ETV6: variants seen among roughly 807,000 people sequenced by gnomAD.
The protein encoded by ETV6 is ETS variant transcription factor 6.
In ETV6, 16 loss-of-function variants were observed where a neutral mutation model predicts 51.1. The ratio of observed to expected loss-of-function variants is 0.31; its 90% CI spans 0.21 to 0.48. ETV6 has a LOEUF of 0.48. Ranked by LOEUF, ETV6 falls within the 20% of genes least tolerant of loss-of-function variation. ETV6 has a pLI of 0.99. For synonymous variants in ETV6, 240 were observed against 224.1 expected, an observed-to-expected ratio of 1.07 and a Z score of -0.64; for missense variants, 458 against 594.8, an observed-to-expected ratio of 0.77 and a Z score of 2.39.
At chr12:11,673,158 G>C (rs936833812) in intron 1 of ETV6, among the ~76,000 whole-genome samples, 33 of 152,218 alleles carry the variant, frequency 2.2e-4, no homozygotes, top group South Asian at 2.1e-4. Flanking sequence ...AGGGTGCCAA[G>C]CTGCAGTGTT....
chr12:11,840,726 A>C, intron 3 of ETV6: 1 of 328,438 alleles, frequency 3.0e-6, no homozygotes, highest in South Asian at 2.4e-5. Flanking sequence ...TTGAAACTTG[A>C]AAGTTTATAT....
intron 1 of ETV6, among the ~76,000 whole-genome samples, chr12:11,741,012 A>C (rs1206720180): frequency 3.3e-5 from 5 of 152,186 alleles, no homozygotes; most frequent in Non-Finnish European, 7.4e-5. Flanking sequence ...ATATAGCAGC[A>C]TGTAATTGAA....
chr12:11,736,706 G>T (rs1219227598), intron 1 of ETV6, among the ~76,000 whole-genome samples: 2 of 152,338 alleles, frequency 1.3e-5, no homozygotes, highest in East Asian at 3.9e-4. Flanking sequence ...ACAGAACTGG[G>T]TGATAGGGCG....
chr12:11,657,710 G>A (rs1417220881), intron 1 of ETV6, among the ~76,000 whole-genome samples: 4 of 152,174 alleles, frequency 2.6e-5, no homozygotes, highest in Non-Finnish European at 2.9e-5. Context: ...TTTCCTGAAT[G>A]ACCCAAAAAG....
At chr12:11,739,396 A>G (rs1454513154) in intron 1 of ETV6, among the ~76,000 whole-genome samples, 1 of 152,228 alleles carries the variant, frequency 6.6e-6, no homozygotes, top group Non-Finnish European at 1.5e-5. Context: ...TGCAGTGCAC[A>G]TGCTCGCCAC....
intron 4 of ETV6, among the ~76,000 whole-genome samples, chr12:11,854,876 C>T (rs757921330): frequency 2.6e-5 from 4 of 152,132 alleles, no homozygotes; most frequent in South Asian, 4.1e-4. Flanking sequence ...CACTCAGTGG[C>T]GGTGTTTATT....
At chr12:11,733,407 CAA>C (rs11394100) in intron 1 of ETV6, among the ~76,000 whole-genome samples, 20 of 101,060 alleles carry the variant, frequency 2.0e-4, no homozygotes, top group African/African-American at 9.5e-4. Flanking sequence ...GACTCCATCT[CAA>C]AAAAAAAAAA....
intron 3 of ETV6, among the ~76,000 whole-genome samples, chr12:11,842,099 G>A (rs199818957): frequency 4.4e-5 from 6 of 134,846 alleles, no homozygotes; most frequent in African/African-American, 1.5e-4. Context: ...AAAAAAAAAA[G>A]AAGAAGAAGG....
chr12:11,770,985 A>G (rs529997632), intron 2 of ETV6, among the ~76,000 whole-genome samples: 8 of 152,272 alleles, frequency 5.3e-5, no homozygotes, highest in African/African-American at 1.9e-4. Flanking sequence ...TGATTTTGAC[A>G]TGCTTTAACT....
intron 1 of ETV6, among the ~76,000 whole-genome samples, chr12:11,673,367 G>A (rs1751168647): frequency 6.6e-6 from 1 of 152,126 alleles, no homozygotes; most frequent in Admixed American, 6.6e-5. Flanking sequence ...GGAGAGAAGG[G>A]CTCATACTAC....
Position 11,686,941 on chromosome 12 carries a change from A to G in ETV6, c.33+36781A>G, listed in dbSNP as rs146739605. On this transcript the variant is annotated intron_variant, in intron 1 of 7. Coordinates refer to ENST00000396373, the MANE Select transcript of ETV6 (RefSeq NM_001987.5). ...GTAACTCTCACCCAGGCTGGAATGC[A>G]GTGGCAAAATCTCAGCTTACTGCAA... 4.9e-3 allele frequency among the ~76,000 whole-genome samples: 741 copies of G among 152,086 alleles called. 5 individuals are homozygous for G. The highest frequency in any genetic ancestry group is 0.01 in the Admixed American group (156 of 15,288).
intron 2 of ETV6, among the ~76,000 whole-genome samples, chr12:11,782,370 AG>A (rs1209869524): frequency 6.6e-6 from 1 of 152,208 alleles, no homozygotes; most frequent in East Asian, 1.9e-4. Context: ...AAGAGAGAAA[AG>A]AAGACTTTTT....
intron 1 of ETV6, among the ~76,000 whole-genome samples, chr12:11,723,796 A>G (rs1401448763): frequency 2.0e-5 from 3 of 152,182 alleles, no homozygotes; most frequent in Non-Finnish European, 4.4e-5. Flanking sequence ...GGCATCACCA[A>G]CCATTGAGAA....
intron 2 of ETV6, among the ~76,000 whole-genome samples, chr12:11,833,870 A>G (rs1392629767): frequency 6.6e-6 from 1 of 152,216 alleles, no homozygotes; most frequent in African/African-American, 2.4e-5. Context: ...TCATGGCACC[A>G]CCACTTCCAT....
At chr12:11,774,621 G>C (rs947993295) in intron 2 of ETV6, among the ~76,000 whole-genome samples, 2 of 152,166 alleles carry the variant, frequency 1.3e-5, no homozygotes, top group Non-Finnish European at 2.9e-5. Flanking sequence ...ATGGTGCCCA[G>C]GTTTTCATTT....
chr12:11,752,572 G>A lies in ETV6; in HGVS notation c.156G>A (p.Ala52=), dbSNP rs762064732. ...AGGAAGACTCGATCCGCCTGCCTGC[G>A]CACCTGCGTGAGTGTTCGTGACCCG... ...RMEEDSIRLP[A]HLRLQPIYWS... Residue 52 remains alanine (A), a synonymous_variant, in exon 2 of 8, where the codon GCG becomes GCA. Transcript: ENST00000396373. 10 of 1,611,736 alleles carry A rather than the reference G, an allele frequency of 6.2e-6. No individual in the cohort carries two copies. Among genetic ancestry groups the A allele is most frequent in the African/African-American group, 2.7e-5 (2 of 74,914 alleles).
intron 2 of ETV6, among the ~76,000 whole-genome samples, chr12:11,776,618 A>G (rs1945329831): frequency 6.6e-6 from 1 of 152,200 alleles, no homozygotes; most frequent in Admixed American, 6.5e-5. Context: ...TATCTGACAC[A>G]CCTGGTCACT....
At chr12:11,684,550 G>A (rs932745760) in intron 1 of ETV6, among the ~76,000 whole-genome samples, 1 of 152,096 alleles carries the variant, frequency 6.6e-6, no homozygotes, top group Non-Finnish European at 1.5e-5. Context: ...CTCATCACTC[G>A]GCTTCAACAG....
chr12:11,698,507 A>G (rs771321534), intron 1 of ETV6, among the ~76,000 whole-genome samples: 1 of 152,160 alleles, frequency 6.6e-6, no homozygotes, highest in Non-Finnish European at 1.5e-5. Context: ...AGAGGATTTT[A>G]GTTTCTTACT....
Sources: allele counts gnomAD v4.1 joint callset (sites outside exome capture counted in the v4.1 genomes callset), GRCh38; gene constraint gnomAD v4.1.1; transcripts MANE v1.5; gene names NCBI Gene and HGNC (gene_info 2026-07-23, HGNC 2026-07-21).